The following IGF1 variants were observed in gnomAD, a reference collection of about 807,000 sequenced individuals.
IGF1 encodes the protein insulin like growth factor 1, also known as insulin-like growth factor 1.
In IGF1, 4 loss-of-function variants were observed where a neutral mutation model predicts 13.8. The ratio of observed to expected loss-of-function variants is 0.29; its 90% CI spans 0.14 to 0.66. IGF1 has a LOEUF of 0.66. Ranked by LOEUF, IGF1 falls within the 30% of genes least tolerant of loss-of-function variation. The pLI is 0.78. For synonymous variants in IGF1, 76 were observed against 72.6 expected (o/e 1.05, Z -0.23); for missense variants, 124 against 188.5 (o/e 0.66, Z 2.00).
At chr12:102,447,889 T>C (rs1159762493) in intron 2 of IGF1, among the ~76,000 whole-genome samples, 1 of 152,078 alleles carries the variant, frequency 6.6e-6, no homozygotes, top group African/African-American at 2.4e-5. Context: ...AAAACACCAA[T>C]AGCAATGGCA....
intron 2 of IGF1, among the ~76,000 whole-genome samples, chr12:102,444,027 A>G (rs5742644): frequency 6.6e-6 from 1 of 151,824 alleles, no homozygotes; most frequent in Non-Finnish European, 1.5e-5. Context: ...GGGTTTCACC[A>G]TGTTGGCCAG....
intron 3 of IGF1, 30 bp from the exon 4 acceptor site, chr12:102,402,596 A>C: frequency 1.3e-6 from 1 of 780,278 alleles, no homozygotes; most frequent in East Asian, 2.4e-5. Flanking sequence ...AGTGACATTA[A>C]CTTGATGAAG....
At chr12:102,419,470 C>A in intron 3 of IGF1, 39 bp downstream of exon 3, 1 of 1,598,436 alleles carries the variant, frequency 6.3e-7, no homozygotes, top group Non-Finnish European at 8.5e-7. Context: ...AAGAGAGAGA[C>A]CACTTGAGGA....
intron 2 of IGF1, among the ~76,000 whole-genome samples, chr12:102,451,746 A>C (rs1315336015): frequency 6.6e-6 from 1 of 152,044 alleles, no homozygotes; most frequent in Non-Finnish European, 1.5e-5. Context: ...GAACCCTGTC[A>C]GTTTGGTTCA....
intron 3 of IGF1, chr12:102,415,556 T>TTCCTTCCTTCCTTCCTTCCGTCCG (rs1475209149): frequency 7.6e-6 from 1 of 131,946 alleles, no homozygotes; most frequent in African/African-American, 2.9e-5. Flanking sequence ...CCTTCCTTCC[T>TTCCTTCCTTCCTTCCTTCCGTCCG]TCCTTCCTTC....
chr12:102,420,215 G>T (rs751428703), intron 2 of IGF1, among the ~76,000 whole-genome samples: 14 of 152,134 alleles, frequency 9.2e-5, no homozygotes, highest in Non-Finnish European at 1.8e-4. Flanking sequence ...CTCAGAGGTG[G>T]CAAAGACTTG....
intron 2 of IGF1, among the ~76,000 whole-genome samples, chr12:102,426,460 A>T (rs1405994810): frequency 2.6e-5 from 4 of 152,236 alleles, no homozygotes; most frequent in Admixed American, 2.6e-4. Flanking sequence ...TTAAAAATGC[A>T]TCCTTTCCAA....
chr12:102,465,596 G>GT lies in IGF1; in HGVS notation c.220+10046dup, dbSNP rs1880241458. On this transcript the variant is annotated intron_variant, in intron 2 of 3. Coordinates refer to ENST00000337514, the MANE Select transcript of IGF1 (RefSeq NM_000618.5). ...GGCTTTTTCACTTGTGAGGAATTGA[G>GT]TTTATTTATTATGTGCCTGACAAGG... Among the ~76,000 whole-genome samples, 3 of 152,286 alleles carry GT rather than the reference G, an allele frequency of 2.0e-5. No individual in the cohort carries two copies. In the South Asian group the frequency reaches 6.2e-4, roughly 32 times the overall value.
intron 2 of IGF1, among the ~76,000 whole-genome samples, chr12:102,443,283 T>C (rs773538756): frequency 3.9e-5 from 6 of 152,138 alleles, no homozygotes; most frequent in Non-Finnish European, 5.9e-5. Flanking sequence ...AAGTGTCACA[T>C]GAAAGCTTCT....
intron 2 of IGF1, among the ~76,000 whole-genome samples, chr12:102,454,122 T>C (rs1879186375): frequency 6.6e-6 from 1 of 152,238 alleles, no homozygotes; most frequent in African/African-American, 2.4e-5. Context: ...AACATACTCC[T>C]TACTTTGCTG....
intron 2 of IGF1, among the ~76,000 whole-genome samples, chr12:102,441,957 T>TCTTCTTCTTCTTCTA (rs71438463): frequency 7.4e-6 from 1 of 134,680 alleles, no homozygotes; most frequent in Non-Finnish European, 1.6e-5. Context: ...TTCTTCTTCT[T>TCTTCTTCTTCTTCTA]TTTTTTTTTT....
At chr12:102,459,399 C>G (rs1002172894) in intron 2 of IGF1, among the ~76,000 whole-genome samples, 1 of 151,992 alleles carries the variant, frequency 6.6e-6, no homozygotes, top group Non-Finnish European at 1.5e-5. Context: ...GCACATAGCA[C>G]GATCATGGAG....
At position 102,419,593 on chromosome 12, in the gene IGF1, C is replaced by G; in HGVS notation, c.318G>C (p.Glu106Asp). 1 of 1,613,948 alleles carries G rather than the reference C, an allele frequency of 6.2e-7. No homozygotes were observed. Among genetic ancestry groups the G allele is most frequent in the South Asian group, 1.1e-5 (1 of 91,074 alleles). The part of the protein sequence containing the change: ...CFRSCDLRRL[E>D]MYCAPLKPAK... The stretch of plus-strand genomic sequence containing the variant: ...CAGGCTTGAGGGGTGCGCAATACAT[C>G]TCCAGCCTCCTTAGATCACAGCTCC... Residue 106 changes from glutamate (E) to aspartate (D), a missense_variant, in exon 3 of 4, where the codon GAG becomes GAC. Glu to Asp is a conservative substitution (Grantham distance 45). Around this residue, in one of 2 missense-constraint regions of IGF1, gnomAD observed 99 missense variants for 171.4 expected, o/e 0.58. Transcript: ENST00000337514.
rs1873437326 is a variant in IGF1, at chr12:102,398,783, TTTTTTTTC to T, written c.*3716_*3723del. ...TTTAAAAAAATATGTCTATGCTTTC[TTTTTTTTC>T]TTTTTTTCTTTTTTTTTTAGTCAAG... On this transcript the variant is annotated 3_prime_UTR_variant, in exon 4 of 4. Coordinates refer to ENST00000337514, the MANE Select transcript of IGF1 (RefSeq NM_000618.5). 2.0e-5 allele frequency: 3 copies of T among 152,160 alleles called. No individual in the cohort carries two copies. The highest frequency in any genetic ancestry group is 6.6e-5 in the Admixed American group (1 of 15,254). The allele number at this position is 152,160 out of a possible 1,614,324, so 9.4% of individuals were successfully genotyped here. A position where few individuals can be genotyped will look rare whatever the true frequency, so the allele number is the denominator to read the frequency against.
intron 2 of IGF1, among the ~76,000 whole-genome samples, chr12:102,435,236 A>G (rs1877122051): frequency 6.6e-6 from 1 of 152,230 alleles, no homozygotes; most frequent in Non-Finnish European, 1.5e-5. Flanking sequence ...TTAACCTCTC[A>G]GGTTGCATCC....
intron 1 of IGF1, 70 bp downstream of exon 1, chr12:102,480,249 T>G (rs1256503647): frequency 7.0e-7 from 1 of 1,424,764 alleles, no homozygotes; most frequent in Non-Finnish European, 9.9e-7. Flanking sequence ...AGAACAGTTC[T>G]AGGCAGAAGC....
chr12:102,464,662 G>A (rs1218084128), intron 2 of IGF1, among the ~76,000 whole-genome samples: 2 of 151,930 alleles, frequency 1.3e-5, no homozygotes, highest in Admixed American at 6.6e-5. Context: ...TGAGGCCCCT[G>A]GGATAGAAGA....
chr12:102,458,302 CCT>C (rs1879594960), intron 2 of IGF1, among the ~76,000 whole-genome samples: 1 of 152,132 alleles, frequency 6.6e-6, no homozygotes, highest in Non-Finnish European at 1.5e-5. Flanking sequence ...TAGACTGACT[CCT>C]GCAATTCTAA....
In IGF1 at chr12:102,397,627, A is replaced by G. The variant is rs1445132934; in HGVS notation, c.*4880T>C. On this transcript the variant is annotated 3_prime_UTR_variant, in exon 4 of 4. Coordinates refer to ENST00000337514, the MANE Select transcript of IGF1 (RefSeq NM_000618.5). ...ATGTACTACAGGATTAAACACTAGCATTGAAAACAAAACAAAATCCAAAAC... is the reference window on the plus strand; with the variant it reads ...ATGTACTACAGGATTAAACACTAGCGTTGAAAACAAAACAAAATCCAAAAC... 2.0e-5 allele frequency: 3 copies of G among 152,244 alleles called. No homozygotes were observed. The highest frequency in any genetic ancestry group is 4.4e-5 in the Non-Finnish European group (3 of 68,044). 9.4% of individuals were successfully genotyped at this position (152,244 alleles called of 1,614,324 possible).
Sources: allele counts gnomAD v4.1 joint callset (sites outside exome capture counted in the v4.1 genomes callset), GRCh38; gene constraint gnomAD v4.1.1; regional missense constraint gnomAD v4.1.1; transcripts MANE v1.5; gene names NCBI Gene and HGNC (gene_info 2026-07-23, HGNC 2026-07-21).